The following ZNF205 variants were observed in gnomAD, a reference collection of about 807,000 sequenced individuals.
ZNF205 encodes the protein zinc finger protein 205, also known as transcriptional repressor RHIT.
In ZNF205, 32 loss-of-function variants were observed where a neutral mutation model predicts 53.6. The ratio of observed to expected loss-of-function variants is 0.60; its 90% confidence interval spans 0.45 to 0.80. The LOEUF (loss-of-function observed/expected upper bound fraction) is 0.80, where lower values mean the gene tolerates loss of function less well. Among genes scored for constraint, ZNF205 ranks in the 30% least tolerant of loss-of-function variants. The probability of loss-of-function intolerance (pLI) is 0.00; values close to 1 mark genes in which losing one functional copy is unlikely to be tolerated. For missense variants in ZNF205, 836 were observed against 782.4 expected (o/e 1.07, Z -0.82); for synonymous variants, 382 against 334.3 (o/e 1.14, Z -1.56).
At chr16:3,119,161 G>T in intron 6 of ZNF205, 95 bp from the exon 7 acceptor site, 1 of 1,509,142 alleles carries the variant, frequency 6.6e-7, no homozygotes, top group South Asian at 1.3e-5. Flanking sequence ...TCTGGTCTCT[G>T]AGAATCCAGC....
Position 3,120,271 on chromosome 16 carries a change from G to A in ZNF205, c.1611G>A (p.Met537Ile), listed in dbSNP as rs374927216. 2 of 1,599,916 alleles carry A rather than the reference G, an allele frequency of 1.3e-6. No homozygotes were observed. Among genetic ancestry groups the A allele is most frequent in the Non-Finnish European group, 8.5e-7 (1 of 1,178,410 alleles). The change falls in exon 7 of 7, where the codon ATG (methionine) becomes ATA (isoleucine). Residue 537 changes from methionine to isoleucine, a missense_variant. Transcript: ENST00000219091. Reference sequence around the variant, plus strand: ...GGCCCAAGGCCCTGGCCATGCTGATGCTGGGGGCGGCGGCGGCGGGGGCTC... The same window carrying A: ...GGCCCAAGGCCCTGGCCATGCTGATACTGGGGGCGGCGGCGGCGGGGGCTC... ...TTGPKALAMLMLGAAAAGALA... is the reference protein window; with the variant it reads ...TTGPKALAMLILGAAAAGALA...
At chr16:3,119,234 G>A in intron 6 of ZNF205, 22 bp from the exon 7 acceptor site, 1 of 1,558,112 alleles carries the variant, frequency 6.4e-7, no homozygotes, top group Non-Finnish European at 8.7e-7. Context: ...GTCCCTAGCT[G>A]GAAACGACTT....
rs1029363404 is a variant in ZNF205 at position 3,120,349 on chromosome 16, G to A, written c.*24G>A. Reference sequence around the variant, plus strand: ...AGGAGGCCAGGAAAGGGGGAGCGGGGCGCCCAGGGCCACTGGAACAGCCCC... The same window carrying A: ...AGGAGGCCAGGAAAGGGGGAGCGGGACGCCCAGGGCCACTGGAACAGCCCC... On this transcript the variant is annotated 3_prime_UTR_variant, in exon 7 of 7. Coordinates refer to ENST00000219091, the MANE Select transcript of ZNF205 (RefSeq NM_001042428.2). 6.8e-7 allele frequency: 1 copy of A among 1,477,670 alleles called. No individual in the cohort carries two copies. Among genetic ancestry groups the A allele is most frequent in the Admixed American group, 2.5e-5 (1 of 39,570 alleles). The allele number at this position is 1,477,670 out of a possible 1,614,324, so 91.5% of individuals were successfully genotyped here. A position where few individuals can be genotyped will look rare whatever the true frequency, so the allele number is the denominator to read the frequency against.
chr16:3,115,662 A>T, intron 3 of ZNF205, 94 bp downstream of exon 3: 1 of 1,428,628 alleles, frequency 7.0e-7, no homozygotes, highest in Non-Finnish European at 9.3e-7. Context: ...GAGGGTCTCT[A>T]TGCCAGCAGG....
At chr16:3,119,054 G>T in intron 6 of ZNF205, 39 bp downstream of exon 6, 1 of 1,599,542 alleles carries the variant, frequency 6.3e-7, no homozygotes, top group Non-Finnish European at 8.5e-7. Flanking sequence ...CGGGAGTGGG[G>T]CGCAGACGCA....
chr16:3,115,741 G>T (rs957090755), intron 3 of ZNF205, 88 bp from the exon 4 acceptor site: 23 of 1,437,492 alleles, frequency 1.6e-5, no homozygotes, highest in Non-Finnish European at 2.0e-5. Flanking sequence ...TCCTTGGGTC[G>T]GGCCAGGGGT....
intron 5 of ZNF205, among the ~76,000 whole-genome samples, chr16:3,117,421 T>C (rs1253776510): frequency 1.3e-5 from 2 of 148,406 alleles, no homozygotes; most frequent in Admixed American, 6.8e-5. Flanking sequence ...TTCTTGGATG[T>C]TAAGTATTTA....
chr16:3,120,313 C>T lies in ZNF205; in HGVS notation c.1653C>T (p.Pro551=), dbSNP rs904817224. The T allele has an allele frequency of 5.1e-6, 8 of 1,558,478 alleles. No homozygotes were observed. The Admixed American group carries it at 5.6e-5, about 11-fold the overall frequency. The change falls in exon 7 of 7, where the codon CCC becomes CCT. Residue 551 remains proline, a synonymous_variant. Coordinates refer to ENST00000219091, the MANE Select transcript of ZNF205 (RefSeq NM_001042428.2). ...CGGGGGCTCTGGCCACACCCCCACC[C>T]GCTCCCACCTAGGAGGCCAGGAAAG... ...AAAGALATPP[P]APT is the part of the protein sequence containing the mutation.
Position 3,115,133 on chromosome 16 carries a change from G to C in ZNF205, c.58-222G>C, listed in dbSNP as rs117533222. On this transcript the variant is annotated intron_variant, in intron 2 of 6. Transcript: ENST00000219091. Reference sequence around the variant, plus strand: ...GTGAGGCTGGAGCTGAGAAGGGGTAGCTGCCCTTGGGCACCACGCCCACCG... The same window carrying C: ...GTGAGGCTGGAGCTGAGAAGGGGTACCTGCCCTTGGGCACCACGCCCACCG... 4.0e-3 allele frequency: 1,481 copies of C among 373,178 alleles called. 17 individuals carry two copies. The highest frequency in any genetic ancestry group is 0.012 in the Admixed American group (266 of 21,598). The allele number at this position is 373,178 out of a possible 1,614,324, so 23.1% of individuals were successfully genotyped here.
intron 3 of ZNF205, 113 bp downstream of exon 3, chr16:3,115,681 T>TC (rs1957334541): frequency 2.2e-6 from 3 of 1,392,134 alleles, no homozygotes; most frequent in Non-Finnish European, 2.9e-6. Context: ...GGGGACGCTA[T>TC]CCCCCCATGG....
chr16:3,120,457 TGGG>T lies in ZNF205; in HGVS notation c.*135_*137del. The T allele has an allele frequency of 9.1e-7, 1 of 1,104,052 alleles. No homozygotes were observed. The highest frequency in any genetic ancestry group is 1.6e-5 in the African/African-American group (1 of 63,212). 68.4% of individuals were successfully genotyped at this position (1,104,052 alleles called of 1,614,324 possible). On this transcript the variant is annotated 3_prime_UTR_variant, in exon 7 of 7. Coordinates refer to ENST00000219091, the MANE Select transcript of ZNF205 (RefSeq NM_001042428.2). ...GAGGGCATGGGGTGAGGCATGGCGA[TGGG>T]GGAGGGCGAGGGCGAGAAAGGGCAG... is the stretch of plus-strand genomic sequence containing the variant.
At chr16:3,116,331 TG>T in intron 4 of ZNF205, 95 bp from the exon 5 acceptor site, 4 of 1,554,652 alleles carry the variant, frequency 2.6e-6, no homozygotes, top group Non-Finnish European at 2.6e-6. Flanking sequence ...CACAGTGGGT[TG>T]GGAGTCCGGG....
intron 5 of ZNF205, among the ~76,000 whole-genome samples, chr16:3,116,892 T>G (rs553709229): frequency 2.0e-5 from 3 of 152,270 alleles, no homozygotes; most frequent in Admixed American, 2.0e-4. Context: ...CCTCCCGGGT[T>G]CATGCCATTC....
chr16:3,119,115 C>T, intron 6 of ZNF205, 100 bp downstream of exon 6: 1 of 1,518,892 alleles, frequency 6.6e-7, no homozygotes, highest in Non-Finnish European at 8.9e-7. Context: ...CAGACCCCCT[C>T]CTGGGCGGTT....
At position 3,120,208 on chromosome 16, in the gene ZNF205, C is replaced by A. The variant is rs766310539; in HGVS notation, c.1548C>A (p.Arg516=). ...CPLCGKSFSR[R]SNLHRHEKIH... ...TGTGCGGCAAGAGCTTCAGCCGGCG[C>A]TCCAACCTGCACCGGCACGAGAAGA... Residue 516 remains arginine, a synonymous_variant, in exon 7 of 7, where the codon CGC becomes CGA. Transcript: ENST00000219091. The A allele has an allele frequency of 2.4e-5, 39 of 1,611,520 alleles. No homozygotes were observed. Among genetic ancestry groups the A allele is most frequent in the Non-Finnish European group, 3.1e-5 (36 of 1,179,684 alleles).
intron 5 of ZNF205, among the ~76,000 whole-genome samples, chr16:3,118,665 C>A (rs1453956197): frequency 7.2e-5 from 11 of 152,194 alleles, no homozygotes. Context: ...GTGTTGCCCA[C>A]TCCCGTCCCT....
chr16:3,116,551 A>G lies in ZNF205; in HGVS notation c.484+4A>G. On this transcript the variant is annotated splice_donor_region_variant and intron_variant, in intron 5 of 6. Transcript: ENST00000219091. ...AAGAAAAATGGGCTGTCACTGGGTA[A>G]GCACTCGCCTGGAGGGGGGACTGGG... 6.2e-7 allele frequency: 1 copy of G among 1,613,286 alleles called. No individual in the cohort carries two copies. Among genetic ancestry groups the G allele is most frequent in the Non-Finnish European group, 8.5e-7 (1 of 1,179,630 alleles).
chr16:3,119,923 G>C lies in ZNF205; in HGVS notation c.1263G>C (p.Lys421Asn). The change falls in exon 7 of 7, where the codon AAG becomes AAC. Residue 421 changes from lysine (K) to asparagine (N), a missense_variant. Physicochemically the swap from Lys to Asn is moderately conservative, Grantham distance 94 (BLOSUM62 0). Coordinates refer to ENST00000219091, the MANE Select transcript of ZNF205 (RefSeq NM_001042428.2). Reference sequence around the variant, plus strand: ...CCCACACGGGCGCCAAGCCGCACAAGTGCCCCATCTGCGCCAAGTGCTTCA... The same window carrying C: ...CCCACACGGGCGCCAAGCCGCACAACTGCCCCATCTGCGCCAAGTGCTTCA... ...QGTHTGAKPH[K>N]CPICAKCFTQ... is the part of the protein sequence containing the mutation. The C allele has an allele frequency of 6.2e-7, 1 of 1,613,622 alleles. No individual in the cohort carries two copies. Among genetic ancestry groups the C allele is most frequent in the East Asian group, 2.2e-5 (1 of 44,882 alleles).
In ZNF205 at chr16:3,119,942, T is replaced by C. The variant is rs780040835; in HGVS notation, c.1282T>C (p.Cys428Arg). The C allele has an allele frequency of 3.7e-6, 6 of 1,613,436 alleles. No homozygotes were observed. In the East Asian group the frequency reaches 1.3e-4, roughly 36 times the overall value. Residue 428 changes from cysteine to arginine, a missense_variant, in exon 7 of 7, where the codon TGC (cysteine) becomes CGC (arginine). Physicochemically the swap from Cys to Arg is radical, Grantham distance 180. Transcript: ENST00000219091. ...GCACAAGTGCCCCATCTGCGCCAAG[T>C]GCTTCACGCAGAGCTCGGCGCTAGT... ...KPHKCPICAK[C>R]FTQSSALVTH...
Sources: allele counts gnomAD v4.1 joint callset (sites outside exome capture counted in the v4.1 genomes callset), GRCh38; gene constraint gnomAD v4.1.1; transcripts MANE v1.5; gene names NCBI Gene and HGNC (gene_info 2026-07-23, HGNC 2026-07-21).